Variants in MYO6 observed in about 807,000 individuals in gnomAD.
MYO6 encodes unconventional myosin-VI.
Under a neutral mutation model 178.7 loss-of-function variants are expected in MYO6, and 74 were observed. That is an observed-to-expected ratio of 0.41 (90% confidence interval 0.34 to 0.50). The LOEUF (loss-of-function observed/expected upper bound fraction) is 0.50. MYO6 is among the 20% of genes least tolerant of loss of function. The probability of loss-of-function intolerance (pLI) is 0.09; values close to 1 mark genes in which losing one functional copy is unlikely to be tolerated. For synonymous variants in MYO6, 477 were observed against 504.6 expected, an observed-to-expected ratio of 0.95 and a Z score of 0.73; for missense variants, 1,330 against 1,547.4, an observed-to-expected ratio of 0.86 and a Z score of 2.36.
intron 1 of MYO6, among the ~76,000 whole-genome samples, chr6:75,772,989 C>T (rs1002074738): frequency 3.3e-5 from 5 of 151,994 alleles, no homozygotes; most frequent in African/African-American, 1.2e-4. Context: ...AGGAAAGTGA[C>T]TATAGGTTTA....
At position 75,886,704 on chromosome 6, in the gene MYO6, C is replaced by T. The variant is rs566303921; in HGVS notation, c.2508-140C>T. Reference sequence around the variant, plus strand: ...CTCATATTTGATTTTTTTTAGCCTTCAACAAGAGATCTGAAAAAGAGAATA... The same window carrying T: ...CTCATATTTGATTTTTTTTAGCCTTTAACAAGAGATCTGAAAAAGAGAATA... On this transcript the variant is annotated intron_variant, in intron 24 of 34. Coordinates refer to ENST00000369977, the MANE Select transcript of MYO6 (RefSeq NM_004999.4). 29 of 827,686 alleles carry T rather than the reference C, an allele frequency of 3.5e-5. No homozygotes were observed. The African/African-American group carries it at 4.8e-4, about 14-fold the overall frequency. 51.3% of individuals were successfully genotyped at this position (827,686 alleles called of 1,614,324 possible).
At chr6:75,848,664 A>G in intron 11 of MYO6, 133 bp downstream of exon 11, 1 of 810,768 alleles carries the variant, frequency 1.2e-6, no homozygotes, top group Non-Finnish European at 1.9e-6. Flanking sequence ...ACTGAGTTAA[A>G]TGTTGAATCT....
chr6:75,780,893 C>T lies in MYO6; in HGVS notation c.-48+31470C>T, dbSNP rs138239403. ...CTTGATCTCGGCTCACTGCAACCTCCGCCTCCCAGGTTCAAGTGATTCTCC... is the reference window on the plus strand; with the variant it reads ...CTTGATCTCGGCTCACTGCAACCTCTGCCTCCCAGGTTCAAGTGATTCTCC... On this transcript the variant is annotated intron_variant, in intron 1 of 34. Transcript: ENST00000369977. Among the ~76,000 whole-genome samples the T allele has an allele frequency of 1.5e-4, 23 of 151,804 alleles. No individual in the cohort carries two copies. The East Asian group carries it at 3.3e-3, about 22-fold the overall frequency.
chr6:75,847,688 TGC>T (rs1774863798), intron 10 of MYO6, among the ~76,000 whole-genome samples: 1 of 151,982 alleles, frequency 6.6e-6, no homozygotes, highest in South Asian at 2.1e-4. Flanking sequence ...TATATATATA[TGC>T]ATATAAAAAG....
At position 75,873,252 on chromosome 6, in the gene MYO6, A is replaced by G. The variant is rs1225931960; in HGVS notation, c.2029A>G (p.Ser677Gly). The G allele has an allele frequency of 1.2e-6, 2 of 1,614,092 alleles. No individual in the cohort carries two copies. Among genetic ancestry groups the G allele is most frequent in the Non-Finnish European group, 1.7e-6 (2 of 1,179,992 alleles). ...RCIKPNLKMTSHHFEGAQILS... is the reference protein window; with the variant it reads ...RCIKPNLKMTGHHFEGAQILS... ...CATCAAACCTAACTTAAAGATGACA[A>G]GCCACCACTTTGAAGGTGCTCAAAT... Residue 677 changes from serine (S) to glycine (G), a missense_variant, in exon 20 of 35, where the codon AGC (serine) becomes GGC (glycine). This residue lies in a region of MYO6 where 613 missense variants were observed against 816.8 expected (regional missense o/e 0.75). Transcript: ENST00000369977.
chr6:75,876,490 G>A (rs1478833196), intron 20 of MYO6, among the ~76,000 whole-genome samples: 1 of 150,524 alleles, frequency 6.6e-6, no homozygotes, highest in Non-Finnish European at 1.5e-5. Flanking sequence ...CTTCCATAAA[G>A]TAGAGATGTA....
At chr6:75,782,305 T>C (rs1767062976) in intron 1 of MYO6, among the ~76,000 whole-genome samples, 1 of 152,162 alleles carries the variant, frequency 6.6e-6, no homozygotes, top group African/African-American at 2.4e-5. Context: ...TTATCTTGGT[T>C]TCTTATACCA....
At chr6:75,754,336 G>A (rs1342104919) in intron 1 of MYO6, among the ~76,000 whole-genome samples, 1 of 151,692 alleles carries the variant, frequency 6.6e-6, no homozygotes, top group African/African-American at 2.4e-5. Flanking sequence ...CCTGGGCAAT[G>A]TGGTGAAACC....
intron 3 of MYO6, among the ~76,000 whole-genome samples, chr6:75,823,843 G>A (rs1326277228): frequency 6.6e-6 from 1 of 152,198 alleles, no homozygotes; most frequent in Non-Finnish European, 1.5e-5. Context: ...TGTGTATGTT[G>A]TATGATTAGA....
chr6:75,844,183 T>C (rs1774511572), intron 9 of MYO6, among the ~76,000 whole-genome samples: 1 of 152,204 alleles, frequency 6.6e-6, no homozygotes, highest in Non-Finnish European at 1.5e-5. Flanking sequence ...AAGCCTTCAA[T>C]TGTGAGACTA....
rs1465390932 is a variant in MYO6, at chr6:75,908,463, C to A, written c.3281-33C>A. On this transcript the variant is annotated intron_variant, in intron 31 of 34. Transcript: ENST00000369977. ...ATGTTAGACGAATAAATTAACATGT[C>A]AATTTTTTTTTTTTGCTCAATGTAA... 4 of 1,572,214 alleles carry A rather than the reference C, an allele frequency of 2.5e-6. No individual in the cohort carries two copies. The South Asian group carries it at 4.5e-5, about 18-fold the overall frequency.
chr6:75,767,030 CTTTT>C (rs34267670), intron 1 of MYO6, among the ~76,000 whole-genome samples: 4 of 145,170 alleles, frequency 2.8e-5, no homozygotes, highest in Non-Finnish European at 4.6e-5. Flanking sequence ...TCAATTCATT[CTTTT>C]TTTTTTTTTG....
chr6:75,752,602 G>A (rs1310997242), intron 1 of MYO6, among the ~76,000 whole-genome samples: 1 of 152,172 alleles, frequency 6.6e-6, no homozygotes. Context: ...GTTTAAACCG[G>A]CAAAACTGGT....
chr6:75,918,143 C>T lies in MYO6; in HGVS notation c.*3131C>T, dbSNP rs1436226963. On this transcript the variant is annotated 3_prime_UTR_variant, in exon 35 of 35. Transcript: ENST00000369977. Reference sequence around the variant, plus strand: ...CCTGTGGATTTACAAAGGGTTGCCTCTCTGTCATTCCACAACTTCAGAAGG... The same window carrying T: ...CCTGTGGATTTACAAAGGGTTGCCTTTCTGTCATTCCACAACTTCAGAAGG... 6.6e-6 allele frequency: 1 copy of T among 152,212 alleles called. No homozygotes were observed. 9.4% of individuals were successfully genotyped at this position (152,212 alleles called of 1,614,324 possible).
At position 75,917,891 on chromosome 6, in the gene MYO6, T is replaced by G. The variant is rs915374046; in HGVS notation, c.*2879T>G. The stretch of plus-strand genomic sequence containing the variant: ...AAATATGTAGATCATTGGTTTTTTT[T>G]TTTACCTGAAGTAGCTTAAGAGTAC... On this transcript the variant is annotated 3_prime_UTR_variant, in exon 35 of 35. Transcript: ENST00000369977. The G allele has an allele frequency of 6.6e-6, 1 of 152,634 alleles. No homozygotes were observed. Among genetic ancestry groups the G allele is most frequent in the African/African-American group, 2.4e-5 (1 of 41,446 alleles). 9.5% of individuals were successfully genotyped at this position (152,634 alleles called of 1,614,324 possible).
chr6:75,862,771 A>G (rs1444342650), intron 16 of MYO6, 48 bp downstream of exon 16: 1 of 1,599,388 alleles, frequency 6.3e-7, no homozygotes, highest in Admixed American at 1.7e-5. Context: ...ACGAGACATT[A>G]TTAAAAAGGT....
chr6:75,771,005 T>C lies in MYO6; in HGVS notation c.-48+21582T>C, dbSNP rs143402199. ...AGATAACAGCACTTTTTTTTTTCTTTTTTTTTTTTTCCCCCCTGAGATGGT... is the reference window on the plus strand; with the variant it reads ...AGATAACAGCACTTTTTTTTTTCTTCTTTTTTTTTTCCCCCCTGAGATGGT... On this transcript the variant is annotated intron_variant, in intron 1 of 34. Coordinates refer to ENST00000369977, the MANE Select transcript of MYO6 (RefSeq NM_004999.4). Among the ~76,000 whole-genome samples the C allele has an allele frequency of 3.0e-3, 453 of 151,466 alleles. 1 individual carries two copies. Among genetic ancestry groups the C allele is most frequent in the Non-Finnish European group, 4.7e-3 (319 of 67,810 alleles).
At chr6:75,901,389 T>C (rs1175580056) in intron 30 of MYO6, among the ~76,000 whole-genome samples, 2 of 152,246 alleles carry the variant, frequency 1.3e-5, no homozygotes, top group African/African-American at 2.4e-5. Flanking sequence ...TTGTATCCTC[T>C]TTTATTTCCT....
chr6:75,833,779 G>A (rs185648468), intron 6 of MYO6, among the ~76,000 whole-genome samples: 1 of 152,086 alleles, frequency 6.6e-6, no homozygotes, highest in African/African-American at 2.4e-5. Flanking sequence ...CCACCTCTTG[G>A]CTATTGTCAA....
Sources: allele counts gnomAD v4.1 joint callset (sites outside exome capture counted in the v4.1 genomes callset), GRCh38; gene constraint gnomAD v4.1.1; regional missense constraint gnomAD v4.1.1; transcripts MANE v1.5; gene names NCBI Gene and HGNC (gene_info 2026-07-23, HGNC 2026-07-21).